The following RS1 variants were observed in gnomAD, a reference collection of about 807,000 sequenced individuals.
RS1 encodes the protein retinoschisin.
Under a neutral mutation model 20.8 loss-of-function variants are expected in RS1, and 2 were observed. The observed-to-expected ratio is 0.10, with a 90% CI of 0.04 to 0.30. The LOEUF is 0.30. Among genes scored for constraint, RS1 ranks in the 10% least tolerant of loss-of-function variants. RS1 has a pLI of 1.00. For missense variants in RS1, 151 were observed against 189.8 expected, an observed-to-expected ratio of 0.80 and a Z score of 1.20; for synonymous variants, 70 against 75.8, an observed-to-expected ratio of 0.92 and a Z score of 0.40.
At chrX:18,653,342 C>T in intron 3 of RS1, 1 of 1,168,358 alleles carries the variant, frequency 8.6e-7, no homozygotes, top group African/African-American at 1.8e-5. Context: ...TGGCCTTCTG[C>T]TCCGTGGGGG....
chrX:18,653,535 G>A lies in RS1; in HGVS notation c.184+3118C>T, dbSNP rs139155110. On this transcript the variant is annotated intron_variant, in intron 3 of 5. Coordinates refer to ENST00000379984, the MANE Select transcript of RS1 (RefSeq NM_000330.4). ...CATACCATGAGAATGCGGCACTGAC[G>A]GGCAAGTGACTTCTGCAAGCCTGCG... 5,300 of 1,210,189 alleles carry A rather than the reference G, an allele frequency of 4.4e-3. 20 individuals carry two copies. The highest frequency in any genetic ancestry group is 9.0e-3 in the Middle Eastern group (39 of 4,346).
chrX:18,656,520 A>T, intron 3 of RS1, 133 bp downstream of exon 3: 2 of 571,211 alleles, frequency 3.5e-6, no homozygotes, highest in Non-Finnish European at 6.3e-6. Context: ...TAATAAATAC[A>T]CACAGCTACC....
In RS1 at chrX:18,641,857, T is replaced by TAA; in HGVS notation, c.*145_*146dup. On this transcript the variant is annotated 3_prime_UTR_variant, in exon 6 of 6. Transcript: ENST00000379984. ...TCATTGAAATCAGAAAGCTATATCT[T>TAA]AAAAAAAAAAAAATTATCTACCCAG... 34 of 452,261 alleles carry TAA rather than the reference T, an allele frequency of 7.5e-5. No homozygotes were observed. Among genetic ancestry groups the TAA allele is most frequent in the Non-Finnish European group, 1.0e-4 (29 of 284,331 alleles). 37.3% of individuals were successfully genotyped at this position (452,261 alleles called of 1,213,427 possible).
At chrX:18,657,480 C>T (rs1382536526) in intron 2 of RS1, among the ~76,000 whole-genome samples, 160 bp downstream of exon 2, 1 of 110,669 alleles carries the variant, frequency 9.0e-6, no homozygotes, top group African/African-American at 3.3e-5. Context: ...GCCTCGGCCT[C>T]CCAAAGTGTT....
chrX:18,651,871 G>T (rs1187535089), intron 3 of RS1, among the ~76,000 whole-genome samples: 1 of 110,854 alleles, frequency 9.0e-6, no homozygotes, highest in Non-Finnish European at 1.9e-5. Flanking sequence ...TTCCTTCTGT[G>T]GGCCTGGTTG....
intron 2 of RS1, among the ~76,000 whole-genome samples, chrX:18,657,216 A>AATTTTTTT (rs1491322520): frequency 8.3e-5 from 3 of 36,299 alleles, no homozygotes; most frequent in Non-Finnish European, 1.9e-4. Context: ...CAAAAAAAAT[A>AATTTTTTT]CTTTTTTTTT....
intron 5 of RS1, among the ~76,000 whole-genome samples, chrX:18,642,507 A>T (rs186092624): frequency 8.9e-6 from 1 of 112,222 alleles, no homozygotes; most frequent in Non-Finnish European, 1.9e-5. Flanking sequence ...AGAAAGTTCT[A>T]TTGGAGGGTG....
rs762034990 is a variant in RS1, at chrX:18,644,700, C to T, written c.327-75G>A. 1.6e-5 allele frequency: 17 copies of T among 1,043,201 alleles called. No individual in the cohort carries two copies. In the Admixed American group the frequency reaches 3.0e-4, roughly 18 times the overall value. The allele number at this position is 1,043,201 out of a possible 1,213,427, so 86.0% of individuals were successfully genotyped here. On this transcript the variant is annotated intron_variant, in intron 4 of 5. Coordinates refer to ENST00000379984, the MANE Select transcript of RS1 (RefSeq NM_000330.4). ...CAAAAAGCCCGCAGGTGCTGGCTCT[C>T]GAGGGGATGCCAGCATCCAAAGAGC...
In RS1 at chrX:18,646,077, G is replaced by A. The variant is rs369383134; in HGVS notation, c.326+1114C>T. On this transcript the variant is annotated intron_variant, in intron 4 of 5. Transcript: ENST00000379984. ...AAGATAGACGCTTCATGTTAAGGAC[G>A]ACAGAACAACAAGGTAGAGTCTGGG... is the stretch of plus-strand genomic sequence containing the variant. 68 of 1,211,874 alleles carry A rather than the reference G, an allele frequency of 5.6e-5. No homozygotes were observed. The highest frequency in any genetic ancestry group is 1.1e-4 in the South Asian group (6 of 57,003).
rs1226502725 is a variant in RS1, at chrX:18,641,469, G to T, written c.*535C>A. The T allele has an allele frequency of 8.2e-6, 1 of 121,662 alleles. No individual in the cohort carries two copies. The highest frequency in any genetic ancestry group is 3.3e-5 in the African/African-American group (1 of 30,597). The allele number at this position is 121,662 out of a possible 1,213,427, so 10.0% of individuals were successfully genotyped here. ...CAGGGCACCGGGATTCTCACCCACC[G>T]CACTCATCCCTGCCACCCAGTCACC... On this transcript the variant is annotated 3_prime_UTR_variant, in exon 6 of 6. Coordinates refer to ENST00000379984, the MANE Select transcript of RS1 (RefSeq NM_000330.4).
rs182215323 is a variant in RS1 at position 18,663,161 on chromosome X, C to G, written c.53-5496G>C. Among the ~76,000 whole-genome samples, 317 of 106,485 alleles carry G rather than the reference C, an allele frequency of 3.0e-3. 2 individuals are homozygous for G. Among genetic ancestry groups the G allele is most frequent in the African/African-American group, 0.01 (294 of 28,444 alleles). The allele number at this position is 106,485 out of a possible 115,157, so 92.5% of individuals were successfully genotyped here. ...TCAAGCGATTCTCCTGCCTCAGCTT[C>G]CTGAGTAACTGGGATTACCGGCATG... is the stretch of plus-strand genomic sequence containing the variant. On this transcript the variant is annotated intron_variant, in intron 1 of 5. Coordinates refer to ENST00000379984, the MANE Select transcript of RS1 (RefSeq NM_000330.4).
At position 18,672,103 on chromosome X, in the gene RS1, T is replaced by A. The variant is rs755875252; in HGVS notation, c.-35A>T. On this transcript the variant is annotated 5_prime_UTR_variant, in exon 1 of 6. Coordinates refer to ENST00000379984, the MANE Select transcript of RS1 (RefSeq NM_000330.4). ...GTCCTCGGCCAAAGCTCTACCTTACTGAACTGGAGAGCTGGCCCAGGAGCA... is the reference window on the plus strand; with the variant it reads ...GTCCTCGGCCAAAGCTCTACCTTACAGAACTGGAGAGCTGGCCCAGGAGCA... The A allele has an allele frequency of 1.2e-5, 14 of 1,172,855 alleles. No homozygotes were observed. In the South Asian group the frequency reaches 1.8e-4, roughly 15 times the overall value.
intron 3 of RS1, chrX:18,650,650 G>C: frequency 1.7e-6 from 2 of 1,148,013 alleles, no homozygotes. Flanking sequence ...GGAATTGCCC[G>C]AGGAGCTGTA....
At chrX:18,671,887 A>G in intron 1 of RS1, 130 bp downstream of exon 1, 1 of 606,490 alleles carries the variant, frequency 1.6e-6, no homozygotes, top group Non-Finnish European at 2.7e-6. Context: ...TTAATAACAC[A>G]TGTTAGTTAA....
chrX:18,658,439 T>C (rs1365047183), intron 1 of RS1, among the ~76,000 whole-genome samples: 2 of 110,910 alleles, frequency 1.8e-5, no homozygotes, highest in Admixed American at 1.9e-4. Context: ...TGTGAAGTTT[T>C]TCTGTGTTTT....
intron 3 of RS1, among the ~76,000 whole-genome samples, chrX:18,655,661 C>G (rs1928199490): frequency 8.9e-6 from 1 of 112,001 alleles, no homozygotes; most frequent in Non-Finnish European, 1.9e-5. Flanking sequence ...AAAGGGAGAG[C>G]TGAAGAGTTG....
rs1307523197 is a variant in RS1, at chrX:18,651,256, TGTGTGTGTGA to T, written c.185-3934_185-3925del. Among the ~76,000 whole-genome samples the T allele has an allele frequency of 1.6e-3, 159 of 98,528 alleles. 1 individual carries two copies. Among genetic ancestry groups the T allele is most frequent in the African/African-American group, 5.8e-3 (146 of 24,959 alleles). 85.6% of individuals were successfully genotyped at this position (98,528 alleles called of 115,157 possible). A position where few individuals can be genotyped will look rare whatever the true frequency, so the allele number is the denominator to read the frequency against. On this transcript the variant is annotated intron_variant, in intron 3 of 5. Transcript: ENST00000379984. The stretch of plus-strand genomic sequence containing the variant: ...GTGTGTGTGTGTGTGTGTGTGTGTG[TGTGTGTGTGA>T]GAGAGAGAGAGAGAGAGAGAGACAG...
rs376670591 is a variant in RS1, at chrX:18,642,234, C to G, written c.523-78G>C. 1.1e-4 allele frequency: 116 copies of G among 1,068,071 alleles called. No homozygotes were observed. In the South Asian group the frequency reaches 2.0e-3, roughly 18 times the overall value. 88.0% of individuals were successfully genotyped at this position (1,068,071 alleles called of 1,213,427 possible). On this transcript the variant is annotated intron_variant, in intron 5 of 5. Coordinates refer to ENST00000379984, the MANE Select transcript of RS1 (RefSeq NM_000330.4). ...GAAGGGTTCCTTTCTGGAGCTAGCCCCAACTTTTAACTATAGAAATGATTA... is the reference window on the plus strand; with the variant it reads ...GAAGGGTTCCTTTCTGGAGCTAGCCGCAACTTTTAACTATAGAAATGATTA...
chrX:18,657,216 A>AATTTTTT (rs1491322520), intron 2 of RS1, among the ~76,000 whole-genome samples: 1 of 36,301 alleles, frequency 2.8e-5, no homozygotes, highest in South Asian at 1.1e-3. Flanking sequence ...CAAAAAAAAT[A>AATTTTTT]CTTTTTTTTT....
Sources: gnomAD v4.1 joint callset for allele counts (sites outside exome capture counted in the v4.1 genomes callset) on GRCh38, gnomAD v4.1.1 for gene constraint, MANE v1.5 for transcripts, NCBI Gene and HGNC (gene_info 2026-07-23, HGNC 2026-07-21) for gene names.